The following TAF1B variants were observed in gnomAD, a reference collection of about 807,000 sequenced individuals.
TAF1B encodes the protein TATA box-binding protein-associated factor RNA polymerase I subunit B.
In TAF1B, 61 loss-of-function variants were observed where a neutral mutation model predicts 83.9. The ratio of observed to expected loss-of-function variants is 0.73; its 90% CI spans 0.59 to 0.90. The LOEUF (loss-of-function observed/expected upper bound fraction) is 0.90. Among genes scored for constraint, TAF1B ranks in the 40% least tolerant of loss-of-function variants. TAF1B has a pLI of 0.00. For synonymous variants in TAF1B, 221 were observed against 224.6 expected (o/e 0.98, Z 0.14); for missense variants, 625 against 677.0 (o/e 0.92, Z 0.85).
rs959081111 is a variant in TAF1B, at chr2:9,926,369, C to T, written c.1565+6549C>T. 5.3e-5 allele frequency among the ~76,000 whole-genome samples: 8 copies of T among 152,192 alleles called. No homozygotes were observed. The East Asian group carries it at 1.4e-3, about 26-fold the overall frequency. On this transcript the variant is annotated intron_variant, in intron 14 of 14. Transcript: ENST00000263663. The stretch of plus-strand genomic sequence containing the variant: ...CATAAGTGTTTCAGTTCTTAAGGCC[C>T]CACCTCTTTATCTCTCTCTTTTTTC...
At chr2:9,875,004 C>T (rs530540704) in intron 6 of TAF1B, among the ~76,000 whole-genome samples, 2 of 151,082 alleles carry the variant, frequency 1.3e-5, no homozygotes, top group African/African-American at 4.9e-5. Flanking sequence ...TGCTCTGTTA[C>T]CCAGGTTGGA....
At chr2:9,915,042 C>A (rs1665641093) in intron 12 of TAF1B, among the ~76,000 whole-genome samples, 1 of 152,152 alleles carries the variant, frequency 6.6e-6, no homozygotes, top group African/African-American at 2.4e-5. Flanking sequence ...ATGAAAAACA[C>A]TAATAAACAA....
chr2:9,847,021 T>C (rs1486780952), intron 2 of TAF1B, among the ~76,000 whole-genome samples: 6 of 152,244 alleles, frequency 3.9e-5, no homozygotes. Flanking sequence ...GTAGATGAAG[T>C]CAGCATACTA....
chr2:9,846,232 T>C (rs1572207110), intron 2 of TAF1B: 2 of 410,464 alleles, frequency 4.9e-6, no homozygotes, highest in East Asian at 1.4e-4. Context: ...CACACCTGCC[T>C]CTTAAAGTAG....
intron 2 of TAF1B, 109 bp downstream of exon 2, chr2:9,845,427 C>A (rs1412141348): frequency 2.2e-5 from 17 of 773,226 alleles, no homozygotes; most frequent in Middle Eastern, 6.7e-4. Context: ...GTCACTCATG[C>A]AATGCCAACA....
At chr2:9,871,327 C>T (rs1664162365) in intron 6 of TAF1B, among the ~76,000 whole-genome samples, 1 of 152,094 alleles carries the variant, frequency 6.6e-6, no homozygotes, top group Non-Finnish European at 1.5e-5. Context: ...TGTGATCTGC[C>T]CACCTCGGCC....
chr2:9,924,311 T>A (rs1335921319), intron 14 of TAF1B, among the ~76,000 whole-genome samples: 1 of 152,178 alleles, frequency 6.6e-6, no homozygotes, highest in Non-Finnish European at 1.5e-5. Flanking sequence ...CCCCTGACTC[T>A]GCCCTTAGGC....
chr2:9,857,894 G>T (rs1572218874), intron 5 of TAF1B, among the ~76,000 whole-genome samples: 1 of 152,126 alleles, frequency 6.6e-6, no homozygotes, highest in East Asian at 1.9e-4. Flanking sequence ...CAACATGTGG[G>T]GATTACAATT....
intron 12 of TAF1B, chr2:9,913,453 G>A (rs1032454972): frequency 1.1e-5 from 5 of 440,736 alleles, no homozygotes; most frequent in African/African-American, 1.0e-4. Flanking sequence ...TTTCACCAGT[G>A]TTTTTATTAA....
At chr2:9,873,870 T>TGTTTCTACTCCTGCCCTCCC (rs1168391449) in intron 6 of TAF1B, among the ~76,000 whole-genome samples, 5 of 152,122 alleles carry the variant, frequency 3.3e-5, no homozygotes, top group Non-Finnish European at 7.4e-5. Context: ...AGTGGTCTTC[T>TGTTTCTACTCCTGCCCTCCC]GTTTCTACTC....
intron 14 of TAF1B, among the ~76,000 whole-genome samples, chr2:9,929,979 A>AT (rs1666163140): frequency 6.6e-6 from 1 of 152,014 alleles, no homozygotes; most frequent in Non-Finnish European, 1.5e-5. Flanking sequence ...GCATAGAGGT[A>AT]TTTATAGTAT....
chr2:9,843,521 G>A lies in TAF1B; in HGVS notation c.-21G>A. ...TACCCGGGTAACGGGTCCCGGCTGT[G>A]GAAGCTCCCGCGGCGCCGCGATGGA... On this transcript the variant is annotated 5_prime_UTR_variant, in exon 1 of 15. Transcript: ENST00000263663. 4 of 1,524,108 alleles carry A rather than the reference G, an allele frequency of 2.6e-6. No homozygotes were observed. Among genetic ancestry groups the A allele is most frequent in the Non-Finnish European group, 3.5e-6 (4 of 1,132,780 alleles). The allele number at this position is 1,524,108 out of a possible 1,614,324, so 94.4% of individuals were successfully genotyped here. A position where few individuals can be genotyped will look rare whatever the true frequency, so the allele number is the denominator to read the frequency against.
intron 5 of TAF1B, 89 bp downstream of exon 5, chr2:9,854,510 G>A (rs1663496389): frequency 1.1e-6 from 1 of 898,384 alleles, no homozygotes; most frequent in African/African-American, 1.7e-5. Context: ...TTGAGTATCT[G>A]AGATTATGAT....
intron 2 of TAF1B, 171 bp downstream of exon 2, chr2:9,845,489 T>C (rs968741900): frequency 1.8e-5 from 9 of 512,688 alleles, no homozygotes; most frequent in African/African-American, 1.3e-4. Context: ...AAGGGATTTG[T>C]GAATTAGATT....
chr2:9,910,684 T>G, intron 9 of TAF1B, 52 bp from the exon 10 acceptor site: 2 of 1,517,520 alleles, frequency 1.3e-6, no homozygotes, highest in Non-Finnish European at 1.8e-6. Flanking sequence ...ATATATACAT[T>G]GGGGATGGTC....
At chr2:9,915,730 T>C (rs1029905750) in intron 12 of TAF1B, among the ~76,000 whole-genome samples, 2 of 152,228 alleles carry the variant, frequency 1.3e-5, no homozygotes, top group Non-Finnish European at 2.9e-5. Context: ...CCAGTGTTTT[T>C]CACTCCTAGA....
intron 8 of TAF1B, among the ~76,000 whole-genome samples, chr2:9,888,359 T>C (rs1664742938): frequency 6.6e-6 from 1 of 152,078 alleles, no homozygotes; most frequent in Non-Finnish European, 1.5e-5. Flanking sequence ...AGATTTAAAA[T>C]GAGAAAAATC....
rs77972425 is a variant in TAF1B, at chr2:9,920,708, C to T, written c.1565+888C>T. Among the ~76,000 whole-genome samples the T allele has an allele frequency of 3.8e-3, 576 of 152,228 alleles. 3 individuals carry two copies. The highest frequency in any genetic ancestry group is 0.013 in the African/African-American group (535 of 41,518). ...CTAATAAAAAATCTGCAGGGAGATA[C>T]TTGGTCAGTGAAATACTCTGATCTT... On this transcript the variant is annotated intron_variant, in intron 14 of 14. Transcript: ENST00000263663.
chr2:9,917,970 G>A (rs944372990), intron 12 of TAF1B, among the ~76,000 whole-genome samples: 1 of 151,448 alleles, frequency 6.6e-6, no homozygotes. Context: ...TACTTGGGAG[G>A]CTGAGGCAGG....
Sources: allele counts gnomAD v4.1 joint callset (sites outside exome capture counted in the v4.1 genomes callset), GRCh38; gene constraint gnomAD v4.1.1; transcripts MANE v1.5; gene names NCBI Gene and HGNC (gene_info 2026-07-23, HGNC 2026-07-21).